The following NRG4 variants were observed in gnomAD, a reference collection of about 807,000 sequenced individuals.
NRG4 encodes the protein neuregulin 4, also known as pro-neuregulin-4, membrane-bound isoform.
NRG4 carries 10 observed loss-of-function variants against 15.0 expected under a neutral mutation model. The observed-to-expected ratio is 0.67, with a 90% CI of 0.41 to 1.13. The LOEUF is 1.13. NRG4 is among the 50% of genes most tolerant of loss of function. NRG4 has a pLI of 0.00. For missense variants in NRG4, 139 were observed against 140.2 expected (o/e 0.99, Z 0.04); for synonymous variants, 41 against 50.1 (o/e 0.82, Z 0.77).
intron 4 of NRG4, among the ~76,000 whole-genome samples, chr15:76,051,156 C>A (rs908937155): frequency 3.4e-5 from 5 of 148,652 alleles, no homozygotes; most frequent in Non-Finnish European, 7.4e-5. Context: ...CAGGCGCCCG[C>A]CACTACGCCC....
chr15:75,939,552 T>A (rs899703715), downstream of NRG4: 1 of 152,170 alleles, frequency 6.6e-6, no homozygotes, highest in Admixed American at 6.5e-5. Context: ...CGCTGCCTAA[T>A]TCATTCTGAT....
chr15:75,976,201 T>TCC (rs2033358769), intron 3 of NRG4, among the ~76,000 whole-genome samples: 1 of 152,210 alleles, frequency 6.6e-6, no homozygotes, highest in African/African-American at 2.4e-5. Flanking sequence ...ACTTATGTTC[T>TCC]TCTCTACACT....
chr15:76,037,846 T>G (rs936033592), intron 4 of NRG4, among the ~76,000 whole-genome samples: 2 of 152,106 alleles, frequency 1.3e-5, no homozygotes, highest in African/African-American at 4.8e-5. Flanking sequence ...CCCTTTCCGC[T>G]TGAGAGGAGA....
At chr15:75,995,166 A>G (rs2034166414) in intron 3 of NRG4, among the ~76,000 whole-genome samples, 2 of 151,684 alleles carry the variant, frequency 1.3e-5, no homozygotes, top group Non-Finnish European at 2.9e-5. Flanking sequence ...CCAGTATGGG[A>G]GTCGTCTCAC....
At chr15:75,947,203 T>C (rs780771963) in intron 5 of NRG4, among the ~76,000 whole-genome samples, 1 of 152,212 alleles carries the variant, frequency 6.6e-6, no homozygotes, top group Non-Finnish European at 1.5e-5. Flanking sequence ...CTCATTATAA[T>C]TGTAAAAAAC....
At chr15:76,023,130 CCACACACACACACACACACACACA>C (rs10572540) in intron 5 of NRG4, among the ~76,000 whole-genome samples, 79 of 120,182 alleles carry the variant, frequency 6.6e-4, no homozygotes, top group African/African-American at 2.0e-3. Context: ...CACCCATACT[CCACACACACACACACACACACACA>C]CACACACACA....
At chr15:76,041,396 C>CA (rs932216555) in intron 4 of NRG4, among the ~76,000 whole-genome samples, 19 of 150,302 alleles carry the variant, frequency 1.3e-4, no homozygotes, top group South Asian at 6.3e-4. Context: ...ACAAAAAACC[C>CA]AAAAAAAACC....
Position 76,033,998 on chromosome 15 carries a change from C to A in NRG4, c.-57+1946G>T, listed in dbSNP as rs1310698624. Among the ~76,000 whole-genome samples the A allele has an allele frequency of 2.0e-5, 3 of 152,208 alleles. No homozygotes were observed. The East Asian group carries it at 5.8e-4, about 29-fold the overall frequency. ...GTGTCTGTCACAGTCCTCAACCCAACATGCACATACACACTTCTTCTCACA... is the reference window on the plus strand; with the variant it reads ...GTGTCTGTCACAGTCCTCAACCCAAAATGCACATACACACTTCTTCTCACA... On this transcript the variant is annotated intron_variant, in intron 5 of 8. Transcript: ENST00000563910.
intron 2 of NRG4, among the ~76,000 whole-genome samples, chr15:76,010,389 T>A (rs1024187242): frequency 6.6e-6 from 1 of 152,166 alleles, no homozygotes; most frequent in Non-Finnish European, 1.5e-5. Context: ...ATATTAATTT[T>A]AAAAATTATC....
At chr15:76,020,942 A>G (rs1218798629) in intron 5 of NRG4, among the ~76,000 whole-genome samples, 1 of 152,254 alleles carries the variant, frequency 6.6e-6, no homozygotes, top group African/African-American at 2.4e-5. Flanking sequence ...ATCTAAGATC[A>G]TTGAAGATGG....
intron 4 of NRG4, among the ~76,000 whole-genome samples, chr15:75,956,514 T>C (rs1293469362): frequency 7.6e-5 from 2 of 26,440 alleles, no homozygotes; most frequent in Non-Finnish European, 5.9e-4. Context: ...TTATGATTTA[T>C]GTTATGATAG....
At chr15:76,012,723 A>G (rs1237673035), upstream of NRG4, among the ~76,000 whole-genome samples, 1 of 152,158 alleles carries the variant, frequency 6.6e-6, no homozygotes. Flanking sequence ...GAGCTAATAG[A>G]TAAGTGTTTC....
chr15:75,980,057 C>A (rs2141849731), intron 3 of NRG4, among the ~76,000 whole-genome samples: 1 of 152,216 alleles, frequency 6.6e-6, no homozygotes, highest in Non-Finnish European at 1.5e-5. Flanking sequence ...CTTTTATTGA[C>A]TGTTTTTACT....
intron 3 of NRG4, among the ~76,000 whole-genome samples, chr15:75,963,911 C>T (rs1357336885): frequency 6.6e-6 from 1 of 151,730 alleles, no homozygotes; most frequent in African/African-American, 2.4e-5. Context: ...CCACTGCAGT[C>T]CAGCCTAGGT....
intron 3 of NRG4, among the ~76,000 whole-genome samples, chr15:76,002,495 T>C (rs1380529044): frequency 1.3e-5 from 2 of 152,196 alleles, no homozygotes; most frequent in East Asian, 3.8e-4. Flanking sequence ...AACCTAGCCA[T>C]ATCAGTAAGT....
chr15:75,998,453 G>C (rs1300744249), intron 3 of NRG4, among the ~76,000 whole-genome samples: 1 of 152,120 alleles, frequency 6.6e-6, no homozygotes, highest in Non-Finnish European at 1.5e-5. Context: ...TTCAACACAG[G>C]ACAGAAAGGC....
chr15:76,045,131 A>G (rs2141958360), intron 4 of NRG4, among the ~76,000 whole-genome samples: 1 of 151,208 alleles, frequency 6.6e-6, no homozygotes, highest in Middle Eastern at 3.4e-3. Context: ...AATGGACAGA[A>G]GATCTGAACG....
intron 2 of NRG4, among the ~76,000 whole-genome samples, chr15:76,010,034 T>C (rs2034751839): frequency 6.6e-6 from 1 of 152,126 alleles, no homozygotes; most frequent in East Asian, 1.9e-4. Flanking sequence ...ACCTTTCCTT[T>C]ATCTATCTTT....
At chr15:75,953,286 C>A (rs970542582) in intron 5 of NRG4, among the ~76,000 whole-genome samples, 19 of 152,148 alleles carry the variant, frequency 1.2e-4, no homozygotes, top group Admixed American at 1.2e-3. Flanking sequence ...TATTACCCCC[C>A]ACTGAATTGT....
Sources: gnomAD v4.1 joint callset for allele counts (sites outside exome capture counted in the v4.1 genomes callset) on GRCh38, gnomAD v4.1.1 for gene constraint, MANE v1.5 for transcripts, NCBI Gene and HGNC (gene_info 2026-07-23, HGNC 2026-07-21) for gene names.